Variants in CTNNA3 observed in about 807,000 individuals in gnomAD.
CTNNA3 encodes catenin alpha 3, also known as catenin alpha-3.
CTNNA3 carries 76 observed loss-of-function variants against 95.7 expected under a neutral mutation model. That is an observed-to-expected ratio of 0.79 (90% CI 0.66 to 0.96). CTNNA3 has a LOEUF of 0.96. Ranked by LOEUF, CTNNA3 falls within the 40% of genes least tolerant of loss-of-function variation. The probability of loss-of-function intolerance (pLI) is 0.00; values close to 1 mark genes in which losing one functional copy is unlikely to be tolerated. For missense variants in CTNNA3, 1,191 were observed against 1,089.8 expected (o/e 1.09, Z -1.31); for synonymous variants, 431 against 374.4 (o/e 1.15, Z -1.74).
At chr10:67,539,978 T>C (rs1427924900) in intron 3 of CTNNA3, among the ~76,000 whole-genome samples, 1 of 152,188 alleles carries the variant, frequency 6.6e-6, no homozygotes, top group East Asian at 1.9e-4. Flanking sequence ...TAAAAGGTTT[T>C]ATTACTAAAG....
At chr10:67,285,428 ACAATACATCAGGCACTG>A in intron 5 of CTNNA3, among the ~76,000 whole-genome samples, 1 of 152,218 alleles carries the variant, frequency 6.6e-6, no homozygotes, top group South Asian at 2.1e-4. Context: ...AGAAGTGCCT[ACAATACATCAGGCACTG>A]GGCTAGACAC....
chr10:67,056,863 G>A (rs759476520), intron 7 of CTNNA3, among the ~76,000 whole-genome samples: 1 of 152,186 alleles, frequency 6.6e-6, no homozygotes, highest in African/African-American at 2.4e-5. Flanking sequence ...AGGTGCATAT[G>A]AGGTTACATC....
intron 11 of CTNNA3, among the ~76,000 whole-genome samples, chr10:66,433,270 A>G (rs1401568864): frequency 3.3e-5 from 5 of 152,160 alleles, no homozygotes; most frequent in East Asian, 1.9e-4. Flanking sequence ...CACCAACAGT[A>G]TAAAAGTGTT....
chr10:66,778,829 A>G (rs940423639), intron 7 of CTNNA3, among the ~76,000 whole-genome samples: 1 of 152,126 alleles, frequency 6.6e-6, no homozygotes, highest in African/African-American at 2.4e-5. Flanking sequence ...TACAAGAATT[A>G]GCTGGGCATG....
chr10:66,896,695 G>A (rs1845506000), intron 7 of CTNNA3, among the ~76,000 whole-genome samples: 1 of 152,136 alleles, frequency 6.6e-6, no homozygotes, highest in African/African-American at 2.4e-5. Flanking sequence ...ACCAGTCACG[G>A]CCTTCCTCAT....
chr10:66,611,038 A>T (rs1384819141), intron 10 of CTNNA3, among the ~76,000 whole-genome samples: 6 of 152,230 alleles, frequency 3.9e-5, no homozygotes, highest in South Asian at 2.1e-4. Context: ...TATGTTAAGT[A>T]AAATAAGCTA....
chr10:66,701,566 C>A (rs914323630), intron 9 of CTNNA3, among the ~76,000 whole-genome samples: 2 of 151,964 alleles, frequency 1.3e-5, no homozygotes, highest in African/African-American at 4.8e-5. Context: ...GTGTACAAGT[C>A]TTGTTAATTT....
intron 3 of CTNNA3, among the ~76,000 whole-genome samples, chr10:67,583,616 G>T (rs1444577506): frequency 1.3e-5 from 2 of 152,124 alleles, no homozygotes; most frequent in Non-Finnish European, 2.9e-5. Context: ...GCCTTGCTAG[G>T]TTGTGGAAGT....
chr10:67,187,334 A>C (rs1862899629), intron 6 of CTNNA3, among the ~76,000 whole-genome samples: 1 of 152,156 alleles, frequency 6.6e-6, no homozygotes, highest in South Asian at 2.1e-4. Context: ...AATCCCCTTA[A>C]AAGAGAAGAT....
chr10:67,484,764 AGAATGGCTATTATGAAAAAT>A (rs1276845812), intron 5 of CTNNA3, among the ~76,000 whole-genome samples: 2 of 152,098 alleles, frequency 1.3e-5, no homozygotes, highest in South Asian at 2.1e-4. Flanking sequence ...ACCACCTCAC[AGAATGGCTATTATGAAAAAT>A]GAATGGCTAT....
chr10:67,596,347 G>C (rs955772275), intron 3 of CTNNA3, among the ~76,000 whole-genome samples: 1 of 152,096 alleles, frequency 6.6e-6, no homozygotes, highest in Non-Finnish European at 1.5e-5. Context: ...ATCAGACCTT[G>C]GTGATGACCT....
At chr10:67,533,860 C>A (rs116736500) in intron 4 of CTNNA3, among the ~76,000 whole-genome samples, 1,599 of 151,890 alleles carry the variant, frequency 0.011, 33 homozygotes, top group African/African-American at 0.037. Context: ...AAGAGAGTAA[C>A]ATCTCATTTA....
chr10:66,932,221 G>T (rs1847442673), intron 7 of CTNNA3, among the ~76,000 whole-genome samples: 1 of 152,306 alleles, frequency 6.6e-6, no homozygotes, highest in South Asian at 2.1e-4. Flanking sequence ...TCCTTCTGGG[G>T]AAGGATAATG....
At chr10:66,911,936 G>A (rs1167258341) in intron 7 of CTNNA3, among the ~76,000 whole-genome samples, 1 of 152,176 alleles carries the variant, frequency 6.6e-6, no homozygotes, top group Non-Finnish European at 1.5e-5. Flanking sequence ...TCTCTAGGCA[G>A]AAGCCTAGAG....
Position 67,676,092 on chromosome 10 carries a change from A to G in CTNNA3, c.-6+19908T>C, listed in dbSNP as rs562815219. Among the ~76,000 whole-genome samples, 74 of 152,272 alleles carry G rather than the reference A, an allele frequency of 4.9e-4. 4 individuals are homozygous for G. The highest frequency in any genetic ancestry group is 4.1e-4 in the South Asian group (2 of 4,826). On this transcript the variant is annotated intron_variant, in intron 1 of 17. Coordinates refer to ENST00000433211, the MANE Select transcript of CTNNA3 (RefSeq NM_013266.4). ...CCAAGTTAAGTAATCAAAATTAAAA[A>G]TATTTACCCAAGGATGGCTACTTAT...
chr10:66,874,968 G>A (rs542414132), intron 7 of CTNNA3, among the ~76,000 whole-genome samples: 3 of 152,134 alleles, frequency 2.0e-5, no homozygotes, highest in Admixed American at 1.3e-4. Context: ...CAAGGTTCAC[G>A]CAAACAAACC....
At chr10:66,811,199 A>C (rs556468611) in intron 7 of CTNNA3, among the ~76,000 whole-genome samples, 2 of 152,318 alleles carry the variant, frequency 1.3e-5, no homozygotes, top group South Asian at 4.1e-4. Context: ...GAATGATTCT[A>C]GATAAGGCAA....
intron 7 of CTNNA3, among the ~76,000 whole-genome samples, chr10:66,877,621 G>A (rs748049096): frequency 1.3e-5 from 2 of 152,098 alleles, no homozygotes; most frequent in Non-Finnish European, 1.5e-5. Context: ...GAAGCAATGA[G>A]GAAGTCTTTC....
chr10:67,310,937 GTATTT>G (rs1417722937), intron 5 of CTNNA3, among the ~76,000 whole-genome samples: 2 of 152,100 alleles, frequency 1.3e-5, no homozygotes, highest in Non-Finnish European at 2.9e-5. Context: ...ATAAATTACT[GTATTT>G]TATAATAAAG....
Sources: gnomAD v4.1 joint callset for allele counts (sites outside exome capture counted in the v4.1 genomes callset) on GRCh38, gnomAD v4.1.1 for gene constraint, MANE v1.5 for transcripts, NCBI Gene and HGNC (gene_info 2026-07-23, HGNC 2026-07-21) for gene names.